The following ELOA2 variants were observed in gnomAD, a reference collection of about 807,000 sequenced individuals.
ELOA2 encodes elongin-A2.
For missense variants in ELOA2, 1,271 were observed against 979.7 expected, an observed-to-expected ratio of 1.30 and a Z score of -3.97; for synonymous variants, 497 against 398.8, an observed-to-expected ratio of 1.25 and a Z score of -2.94.
At position 47,034,771 on chromosome 18, in the gene ELOA2, G is replaced by C. The variant is rs200986735; in HGVS notation, c.494C>G (p.Ser165Cys). 5.1e-4 allele frequency: 828 copies of C among 1,612,628 alleles called. 8 individuals are homozygous for C. The highest frequency in any genetic ancestry group is 6.1e-4 in the Non-Finnish European group (715 of 1,179,720). Reference sequence around the variant, plus strand: ...CGTTGGAGAGGCCCGATAGCGGCCGGAATCAGCTGGGGCTATTCTGGGGCA... The same window carrying C: ...CGTTGGAGAGGCCCGATAGCGGCCGCAATCAGCTGGGGCTATTCTGGGGCA... ...RKCPRIAPAD[S>C]GRYRASPTRT... The change falls in exon 1 of 1, where the codon TCC becomes TGC. Residue 165 changes from serine (S) to cysteine (C), a missense_variant. By Grantham distance (112) the Ser-to-Cys change is moderately radical. Transcript: ENST00000332567.
In ELOA2 at chr18:47,033,529, C is replaced by G. The variant is rs768427800; in HGVS notation, c.1736G>C (p.Arg579Thr). 1.9e-6 allele frequency: 3 copies of G among 1,614,210 alleles called. No individual in the cohort carries two copies. The highest frequency in any genetic ancestry group is 2.5e-6 in the Non-Finnish European group (3 of 1,180,046). Reference sequence around the variant, plus strand: ...ATTCCTCCGTAATTCGTCTGTCTCTCTAACGAGTGCGTGATTGTCTTTCTT... The same window carrying G: ...ATTCCTCCGTAATTCGTCTGTCTCTGTAACGAGTGCGTGATTGTCTTTCTT... The part of the protein sequence containing the change: ...RRKKDNHALV[R>T]ETDELRRNHC... The change falls in exon 1 of 1, where the codon AGA (arginine) becomes ACA (threonine). Residue 579 changes from arginine to threonine, a missense_variant. Transcript: ENST00000332567.
Position 47,034,732 on chromosome 18 carries a change from A to C in ELOA2, c.533T>G (p.Leu178Arg), listed in dbSNP as rs1218989921. The change falls in exon 1 of 1, where the codon CTC becomes CGC. Residue 178 changes from leucine to arginine, a missense_variant. By Grantham distance (102) the Leu-to-Arg change is moderately radical (BLOSUM62 -2). Coordinates refer to ENST00000332567, the MANE Select transcript of ELOA2 (RefSeq NM_016427.3). The stretch of plus-strand genomic sequence containing the variant: ...GGGCTCAGGGCCCTCGGGCATCCGG[A>C]GGGGAGCTGTGCGCGTTGGAGAGGC... ...YRASPTRTAP[L>R]RMPEGPEPAA... is the part of the protein sequence containing the mutation. The C allele has an allele frequency of 1.2e-6, 2 of 1,612,670 alleles. No individual in the cohort carries two copies. Among genetic ancestry groups the C allele is most frequent in the Non-Finnish European group, 1.7e-6 (2 of 1,179,842 alleles).
chr18:47,034,406 GC>G, the ELOA2 span: 1 of 1,614,030 alleles, frequency 6.2e-7, no homozygotes. Flanking sequence ...CTGCCAGCTT[GC>G]CCCCCTTCCT....
Position 47,034,514 on chromosome 18 carries a change from C to G in ELOA2, c.751G>C (p.Glu251Gln). ...GDWHSPTLIR[E>Q]KSCGACLREE... ...CTTAAGCAGGCCCCGCATGATTTCT[C>G]CCTGATCAAAGTAGGGGAGTGCCAA... The change falls in exon 1 of 1, where the codon GAG becomes CAG. Residue 251 changes from glutamate to glutamine, a missense_variant. Transcript: ENST00000332567. 1 of 1,614,214 alleles carries G rather than the reference C, an allele frequency of 6.2e-7. No homozygotes were observed.
Position 47,035,115 on chromosome 18 carries a change from T to C in ELOA2, c.150A>G (p.Arg50=), listed in dbSNP as rs1421565038. The C allele has an allele frequency of 6.2e-7, 1 of 1,611,362 alleles. No individual in the cohort carries two copies. The highest frequency in any genetic ancestry group is 1.3e-5 in the African/African-American group (1 of 74,840). ...GCTTCCGCAGGCGCTTCACCGTCTT[T>C]CTGATTCCAGTCTCCGCCAGGATGT... is the stretch of plus-strand genomic sequence containing the variant. ...TADILAETGI[R]KTVKRLRKHQ... The change falls in exon 1 of 1, where the codon AGA becomes AGG. Residue 50 remains arginine (R), a synonymous_variant. Coordinates refer to ENST00000332567, the MANE Select transcript of ELOA2 (RefSeq NM_016427.3).
Position 47,034,492 on chromosome 18 carries a change from A to G in ELOA2, c.773T>C (p.Leu258Ser). 3.1e-6 allele frequency: 5 copies of G among 1,614,074 alleles called. No individual in the cohort carries two copies. The highest frequency in any genetic ancestry group is 4.2e-6 in the Non-Finnish European group (5 of 1,179,986). The change falls in exon 1 of 1, where the codon TTA (leucine) becomes TCA (serine). Residue 258 changes from leucine (L) to serine (S), a missense_variant. By Grantham distance (145) the Leu-to-Ser change is moderately radical. Transcript: ENST00000332567. ...LIREKSCGAC[L>S]REETPRMPSW... is the part of the protein sequence containing the mutation. ...GGGCATCCTTGGGGTTTCCTCTCTTAAGCAGGCCCCGCATGATTTCTCCCT... is the reference window on the plus strand; with the variant it reads ...GGGCATCCTTGGGGTTTCCTCTCTTGAGCAGGCCCCGCATGATTTCTCCCT...
chr18:47,034,563 T>G lies in ELOA2; in HGVS notation c.702A>C (p.Lys234Asn), dbSNP rs766319991. The change falls in exon 1 of 1, where the codon AAA becomes AAC. Residue 234 changes from lysine to asparagine, a missense_variant. Coordinates refer to ENST00000332567, the MANE Select transcript of ELOA2 (RefSeq NM_016427.3). ...SKGHKSSRQE[K>N]RPLCAQGDWH... ...AATCTCCCTGGGCACACAAGGGGCG[T>G]TTTTCCTGGCGAGACGATTTGTGCC... 37 of 1,613,976 alleles carry G rather than the reference T, an allele frequency of 2.3e-5. No homozygotes were observed. In the African/African-American group the frequency reaches 4.8e-4, roughly 21 times the overall value.
At position 47,033,139 on chromosome 18, in the gene ELOA2, C is replaced by A. The variant is rs759800111; in HGVS notation, c.2126G>T (p.Arg709Leu). The stretch of plus-strand genomic sequence containing the variant: ...GCTGCTGCTCAGGCAGGGGTTGGCC[C>A]GCTTCTCAGGGAGCCAGCGAAGGAT... ...SSILRWLPEK[R>L]ANPCLSSSNE... Residue 709 changes from arginine (R) to leucine (L), a missense_variant, in exon 1 of 1, where the codon CGG becomes CTG. By Grantham distance (102) the Arg-to-Leu change is moderately radical (BLOSUM62 -2). Transcript: ENST00000332567. The A allele has an allele frequency of 1.9e-6, 3 of 1,613,936 alleles. No homozygotes were observed. Among genetic ancestry groups the A allele is most frequent in the Non-Finnish European group, 2.5e-6 (3 of 1,180,040 alleles).
At position 47,034,603 on chromosome 18, in the gene ELOA2, A is replaced by T; in HGVS notation, c.662T>A (p.Val221Glu). 1.2e-6 allele frequency: 2 copies of T among 1,614,152 alleles called. No individual in the cohort carries two copies. The highest frequency in any genetic ancestry group is 1.7e-6 in the Non-Finnish European group (2 of 1,179,998). The change falls in exon 1 of 1, where the codon GTG becomes GAG. Residue 221 changes from valine (V) to glutamate (E), a missense_variant. By Grantham distance (121) the Val-to-Glu change is moderately radical. Transcript: ENST00000332567. ...CGATTTGTGCCCCTTGCTGTGGCTC[A>T]CAACGGCTTTCCCCTGGGGTTGGCC... ...CQGQPQGKAV[V>E]SHSKGHKSSR...
In ELOA2 at chr18:47,034,509, T is replaced by G; in HGVS notation, c.756A>C (p.Lys252Asn). ...DWHSPTLIRE[K>N]SCGACLREET... Reference sequence around the variant, plus strand: ...CCTCTCTTAAGCAGGCCCCGCATGATTTCTCCCTGATCAAAGTAGGGGAGT... The same window carrying G: ...CCTCTCTTAAGCAGGCCCCGCATGAGTTCTCCCTGATCAAAGTAGGGGAGT... The change falls in exon 1 of 1, where the codon AAA becomes AAC. Residue 252 changes from lysine (K) to asparagine (N), a missense_variant. Transcript: ENST00000332567. 1 of 1,614,186 alleles carries G rather than the reference T, an allele frequency of 6.2e-7. No individual in the cohort carries two copies. Among genetic ancestry groups the G allele is most frequent in the Non-Finnish European group, 8.5e-7 (1 of 1,180,018 alleles).
chr18:47,034,556 A>AG, the ELOA2 span: 274 of 1,614,190 alleles, frequency 1.7e-4, 2 homozygotes, highest in South Asian at 2.8e-3. Flanking sequence ...TGGGCACACA[A>AG]GGGGCGTTTT....
In ELOA2 at chr18:47,032,752, A is replaced by T; in HGVS notation, c.*251T>A. On this transcript the variant is annotated 3_prime_UTR_variant, in exon 1 of 1. Coordinates refer to ENST00000332567, the MANE Select transcript of ELOA2 (RefSeq NM_016427.3). ...GTGTTTTTAAAAATTATCAGTGAAC[A>T]TCCAAAATAGAATTGTTCCCAATGC... 1 of 629,188 alleles carries T rather than the reference A, an allele frequency of 1.6e-6. No homozygotes were observed. Among genetic ancestry groups the T allele is most frequent in the South Asian group, 2.2e-5 (1 of 45,732 alleles). The allele number at this position is 629,188 out of a possible 1,614,324, so 39.0% of individuals were successfully genotyped here. A position where few individuals can be genotyped will look rare whatever the true frequency, so the allele number is the denominator to read the frequency against.
Position 47,032,797 on chromosome 18 carries a change from T to G in ELOA2, c.*206A>C. The G allele has an allele frequency of 1.1e-6, 1 of 873,314 alleles. No homozygotes were observed. The highest frequency in any genetic ancestry group is 1.7e-6 in the Non-Finnish European group (1 of 576,256). 54.1% of individuals were successfully genotyped at this position (873,314 alleles called of 1,614,324 possible). A position where few individuals can be genotyped will look rare whatever the true frequency, so the allele number is the denominator to read the frequency against. On this transcript the variant is annotated 3_prime_UTR_variant, in exon 1 of 1. Transcript: ENST00000332567. ...CAATGCGTTCATATCTTCTGAATTC[T>G]GAGGTGTTCTCCAAGCTGGGAGGTA...
At position 47,034,013 on chromosome 18, in the gene ELOA2, T is replaced by G; in HGVS notation, c.1252A>C (p.Lys418Gln). 6.2e-7 allele frequency: 1 copy of G among 1,614,122 alleles called. No homozygotes were observed. The highest frequency in any genetic ancestry group is 1.1e-5 in the South Asian group (1 of 91,076). Residue 418 changes from lysine to glutamine, a missense_variant, in exon 1 of 1, where the codon AAG becomes CAG. Physicochemically the swap from Lys to Gln is moderately conservative, Grantham distance 53. Coordinates refer to ENST00000332567, the MANE Select transcript of ELOA2 (RefSeq NM_016427.3). Reference sequence around the variant, plus strand: ...GAATCCCAGGACTCACGAGTGCCCTTGGATTCGTTTGCTTTCCTTTGTTTA... The same window carrying G: ...GAATCCCAGGACTCACGAGTGCCCTGGGATTCGTTTGCTTTCCTTTGTTTA... ...GDKQRKANESKGTRESWDSAK... is the reference protein window; with the variant it reads ...GDKQRKANESQGTRESWDSAK...
chr18:47,033,642 C>G lies in ELOA2; in HGVS notation c.1623G>C (p.Pro541=). ...QQCAQVLRNN[P]DALSDVGEVP... Reference sequence around the variant, plus strand: ...CCTCTCCCACGTCGCTGAGGGCGTCCGGATTGTTTCTAAGCACCTGGGCAC... The same window carrying G: ...CCTCTCCCACGTCGCTGAGGGCGTCGGGATTGTTTCTAAGCACCTGGGCAC... Residue 541 remains proline, a synonymous_variant, in exon 1 of 1, where the codon CCG becomes CCC. Coordinates refer to ENST00000332567, the MANE Select transcript of ELOA2 (RefSeq NM_016427.3). 6 of 1,614,208 alleles carry G rather than the reference C, an allele frequency of 3.7e-6. No individual in the cohort carries two copies. Among genetic ancestry groups the G allele is most frequent in the Non-Finnish European group, 5.1e-6 (6 of 1,180,050 alleles).
In ELOA2 at chr18:47,033,560, G is replaced by C. The variant is rs1385638592; in HGVS notation, c.1705C>G (p.Arg569Gly). 2 of 1,614,096 alleles carry C rather than the reference G, an allele frequency of 1.2e-6. No homozygotes were observed. Among genetic ancestry groups the C allele is most frequent in the South Asian group, 1.1e-5 (1 of 91,068 alleles). ...AGTGCGTGATTGTCTTTCTTTCTGC[G>C]ATACAGCTGATCGGGCCTCCACCCT... ...LEGWRPDQLY[R>G]RKKDNHALVR... Residue 569 changes from arginine to glycine, a missense_variant, in exon 1 of 1, where the codon CGC becomes GGC. Transcript: ENST00000332567.
In ELOA2 at chr18:47,033,486, G is replaced by T. The variant is rs1476405219; in HGVS notation, c.1779C>A (p.Phe593Leu). ...ELRRNHCFQD[F>L]KEEKPQENKT... ...TGTTTTCCTGTGGCTTTTCTTCCTT[G>T]AAGTCCTGGAAACAATGATTCCTCC... Residue 593 changes from phenylalanine (F) to leucine (L), a missense_variant, in exon 1 of 1, where the codon TTC becomes TTA. By Grantham distance (22) the Phe-to-Leu change is conservative. Coordinates refer to ENST00000332567, the MANE Select transcript of ELOA2 (RefSeq NM_016427.3). The T allele has an allele frequency of 1.9e-6, 3 of 1,614,142 alleles. No individual in the cohort carries two copies. The highest frequency in any genetic ancestry group is 1.7e-6 in the Non-Finnish European group (2 of 1,180,032).
In ELOA2 at chr18:47,032,917, C is replaced by A; in HGVS notation, c.*86G>T. On this transcript the variant is annotated 3_prime_UTR_variant, in exon 1 of 1. Coordinates refer to ENST00000332567, the MANE Select transcript of ELOA2 (RefSeq NM_016427.3). ...TGCACCAAGTTAAAGGTTCTGGTGT[C>A]CATTGGAAGTTTCGTTCCCCAACCC... 1 of 1,608,226 alleles carries A rather than the reference C, an allele frequency of 6.2e-7. No individual in the cohort carries two copies. The highest frequency in any genetic ancestry group is 8.5e-7 in the Non-Finnish European group (1 of 1,177,242).
rs1235932778 is a variant in ELOA2, at chr18:47,033,583, C to T, written c.1682G>A (p.Gly561Glu). The change falls in exon 1 of 1, where the codon GGG (glycine) becomes GAG (glutamate). Residue 561 changes from glycine to glutamate, a missense_variant. Physicochemically the swap from Gly to Glu is moderately conservative, Grantham distance 98. Coordinates refer to ENST00000332567, the MANE Select transcript of ELOA2 (RefSeq NM_016427.3). ...GCGATACAGCTGATCGGGCCTCCAC[C>T]CTTCCAGAACAGGTTCAAGAACCCA... is the stretch of plus-strand genomic sequence containing the variant. ...PYWVLEPVLE[G>E]WRPDQLYRRK... is the part of the protein sequence containing the mutation. The T allele has an allele frequency of 1.2e-6, 2 of 1,614,074 alleles. No individual in the cohort carries two copies. Among genetic ancestry groups the T allele is most frequent in the Non-Finnish European group, 1.7e-6 (2 of 1,180,050 alleles).
Sources: gnomAD v4.1 joint callset for allele counts on GRCh38, gnomAD v4.1.1 for gene constraint, MANE v1.5 for transcripts, NCBI Gene and HGNC (gene_info 2026-07-23, HGNC 2026-07-21) for gene names.